PTPRD: variants seen among roughly 807,000 people sequenced by gnomAD.
The protein encoded by PTPRD is receptor-type tyrosine-protein phosphatase delta.
PTPRD carries 34 observed loss-of-function variants against 214.5 expected under a neutral mutation model. The observed-to-expected ratio is 0.16, with a 90% confidence interval of 0.12 to 0.21. The LOEUF is 0.21. PTPRD is among the 10% of genes least tolerant of loss of function. PTPRD has a pLI of 1.00. For missense variants in PTPRD, 2,545 were observed against 2,398.7 expected (o/e 1.06, Z -1.27); for synonymous variants, 1,128 against 845.7 (o/e 1.33, Z -5.79).
intron 8 of PTPRD, among the ~76,000 whole-genome samples, chr9:9,413,100 C>CTGTTT (rs1402914968): frequency 1.6e-5 from 1 of 63,020 alleles, no homozygotes; most frequent in Non-Finnish European, 2.6e-5. Flanking sequence ...CTTGCAGCTT[C>CTGTTT]TTTTTTTTTT....
chr9:8,527,211 G>C, intron 16 of PTPRD, 134 bp downstream of exon 16: 1 of 861,586 alleles, frequency 1.2e-6, no homozygotes, highest in Non-Finnish European at 1.8e-6. Context: ...GTGTGTGTGG[G>C]AGCCACTACA....
At chr9:9,810,956 G>A (rs958024896) in intron 5 of PTPRD, among the ~76,000 whole-genome samples, 3 of 151,706 alleles carry the variant, frequency 2.0e-5, no homozygotes, top group Admixed American at 6.6e-5. Context: ...AGCAGTTCGC[G>A]GCCAGGTGCA....
intron 33 of PTPRD, among the ~76,000 whole-genome samples, chr9:8,453,385 C>G (rs1205553521): frequency 1.3e-5 from 2 of 151,950 alleles, no homozygotes; most frequent in Non-Finnish European, 2.9e-5. Context: ...AGGATGGTCT[C>G]GATCTCCTGA....
At chr9:9,505,309 A>T (rs1407864326) in intron 8 of PTPRD, among the ~76,000 whole-genome samples, 1 of 151,540 alleles carries the variant, frequency 6.6e-6, no homozygotes, top group Non-Finnish European at 1.5e-5. Context: ...TTCTTTATAG[A>T]TCATTTCATA....
Position 10,511,974 on chromosome 9 carries a change from GTGTA to G in PTPRD, c.-600+100420_-600+100423del, listed in dbSNP as rs1566641433. On this transcript the variant is annotated intron_variant, in intron 2 of 45. Coordinates refer to ENST00000381196, the MANE Select transcript of PTPRD (RefSeq NM_002839.4). ...TGTGTGTATATATATATACGTGTGT[GTGTA>G]TATATATATACGTGTGTGTATATAT... Among the ~76,000 whole-genome samples the G allele has an allele frequency of 3.5e-4, 17 of 49,266 alleles. 1 individual carries two copies. Among genetic ancestry groups the G allele is most frequent in the East Asian group, 1.9e-3 (4 of 2,154 alleles). The allele number at this position is 49,266 out of a possible 152,430, so 32.3% of individuals were successfully genotyped here.
chr9:10,033,039 C>T (rs1479448049), intron 4 of PTPRD, among the ~76,000 whole-genome samples: 3 of 151,460 alleles, frequency 2.0e-5, no homozygotes, highest in Non-Finnish European at 3.0e-5. Context: ...TTGAAATTAA[C>T]TAATGGCAAC....
chr9:10,565,852 A>C (rs887248766), intron 2 of PTPRD, among the ~76,000 whole-genome samples: 1 of 151,726 alleles, frequency 6.6e-6, no homozygotes, highest in African/African-American at 2.4e-5. Context: ...GCACACACCC[A>C]CACACACACA....
chr9:10,409,087 T>C (rs1320676670), intron 2 of PTPRD, among the ~76,000 whole-genome samples: 1 of 151,746 alleles, frequency 6.6e-6, no homozygotes, highest in Non-Finnish European at 1.5e-5. Context: ...GGGTTTCACA[T>C]TTTTAAGGGA....
chr9:8,910,864 T>TA (rs1172683628), intron 11 of PTPRD, among the ~76,000 whole-genome samples: 1 of 152,302 alleles, frequency 6.6e-6, no homozygotes, highest in Admixed American at 6.5e-5. Flanking sequence ...CATAATAGGA[T>TA]AAAAACACTC....
chr9:8,960,774 T>C (rs2099154588), intron 11 of PTPRD, among the ~76,000 whole-genome samples: 1 of 152,138 alleles, frequency 6.6e-6, no homozygotes, highest in East Asian at 1.9e-4. Context: ...GTCATTTTGA[T>C]GATTCAGTTT....
At chr9:10,244,154 C>G (rs1023366648) in intron 3 of PTPRD, among the ~76,000 whole-genome samples, 2 of 151,868 alleles carry the variant, frequency 1.3e-5, no homozygotes, top group African/African-American at 4.8e-5. Flanking sequence ...ACTTTGAGCT[C>G]TGGATTAAAA....
intron 3 of PTPRD, among the ~76,000 whole-genome samples, chr9:10,138,031 C>T (rs905563768): frequency 6.6e-6 from 1 of 151,666 alleles, no homozygotes; most frequent in South Asian, 2.1e-4. Flanking sequence ...AGAAAAGAAA[C>T]AACAAAAATC....
intron 14 of PTPRD, among the ~76,000 whole-genome samples, chr9:8,563,316 C>T (rs1173295917): frequency 6.6e-6 from 1 of 152,006 alleles, no homozygotes. Flanking sequence ...AACTATCAGA[C>T]TGTATGTTTT....
At chr9:8,826,840 T>C (rs2097185765) in intron 11 of PTPRD, among the ~76,000 whole-genome samples, 1 of 152,106 alleles carries the variant, frequency 6.6e-6, no homozygotes, top group South Asian at 2.1e-4. Flanking sequence ...GTCTGGTCTC[T>C]GACAACTTCT....
At chr9:8,359,328 T>C (rs1276341422) in intron 39 of PTPRD, among the ~76,000 whole-genome samples, 1 of 151,490 alleles carries the variant, frequency 6.6e-6, no homozygotes, top group Non-Finnish European at 1.5e-5. Flanking sequence ...TGAATTTTAT[T>C]ATTTCATTAT....
chr9:8,556,553 A>ATTTTATATTTCTTTTTTTTTTTT lies in PTPRD; in HGVS notation c.353-27775_353-27774insAAAAAAAAAAAAGAAATATAAAA, dbSNP rs761184510. On this transcript the variant is annotated intron_variant, in intron 14 of 45. Transcript: ENST00000381196. Reference sequence around the variant, plus strand: ...CATCTGCATGTACACATACTTGTGTATTTTATATTTCTTTATATATCTGTT... The same window carrying ATTTTATATTTCTTTTTTTTTTTT: ...CATCTGCATGTACACATACTTGTGTATTTTATATTTCTTTTTTTTTTTTTTTTATATTTCTTTATATATCTGTT... Among the ~76,000 whole-genome samples, 1,459 of 151,804 alleles carry ATTTTATATTTCTTTTTTTTTTTT rather than the reference A, an allele frequency of 9.6e-3. 20 individuals are homozygous for ATTTTATATTTCTTTTTTTTTTTT. The highest frequency in any genetic ancestry group is 0.034 in the African/African-American group (1,378 of 41,108).
intron 11 of PTPRD, among the ~76,000 whole-genome samples, chr9:8,966,860 G>A (rs753375456): frequency 4.0e-5 from 6 of 151,852 alleles, no homozygotes; most frequent in East Asian, 1.9e-4. Context: ...CTGTGCATCC[G>A]ACAAAGATCT....
chr9:9,285,094 CTCACA>C (rs1422964245), intron 9 of PTPRD, among the ~76,000 whole-genome samples: 1 of 151,640 alleles, frequency 6.6e-6, no homozygotes, highest in African/African-American at 2.4e-5. Flanking sequence ...AATATAAAAC[CTCACA>C]TATTTGGCAT....
At chr9:9,290,888 G>C (rs1950945147) in intron 9 of PTPRD, among the ~76,000 whole-genome samples, 1 of 151,380 alleles carries the variant, frequency 6.6e-6, no homozygotes, top group African/African-American at 2.4e-5. Context: ...CCACAAGATA[G>C]AGTCTTTGCT....
Sources: gnomAD v4.1 joint callset for allele counts (sites outside exome capture counted in the v4.1 genomes callset) on GRCh38, gnomAD v4.1.1 for gene constraint, MANE v1.5 for transcripts, NCBI Gene and HGNC (gene_info 2026-07-23, HGNC 2026-07-21) for gene names.